Variants in MAST2 observed in about 807,000 individuals in gnomAD.
MAST2 encodes the protein microtubule associated serine/threonine kinase 2.
In MAST2, 70 loss-of-function variants were observed where a neutral mutation model predicts 147.4. That is an observed-to-expected ratio of 0.47 (90% CI 0.39 to 0.58). The LOEUF (loss-of-function observed/expected upper bound fraction) is 0.58, where lower values mean the gene tolerates loss of function less well. MAST2 is among the 20% of genes least tolerant of loss of function. The probability of loss-of-function intolerance (pLI) is 0.00; values close to 1 mark genes in which losing one functional copy is unlikely to be tolerated. For synonymous variants in MAST2, 869 were observed against 896.8 expected, an observed-to-expected ratio of 0.97 and a Z score of 0.55; for missense variants, 2,080 against 2,302.3, an observed-to-expected ratio of 0.90 and a Z score of 1.98.
At chr1:45,828,078 G>T (rs561259056) in intron 2 of MAST2, among the ~76,000 whole-genome samples, 1 of 152,128 alleles carries the variant, frequency 6.6e-6, no homozygotes, top group East Asian at 1.9e-4. Flanking sequence ...TGATCCTCCT[G>T]CTTCGGCCTC....
chr1:45,975,937 A>G (rs1411449393), intron 5 of MAST2, among the ~76,000 whole-genome samples: 1 of 151,622 alleles, frequency 6.6e-6, no homozygotes, highest in Non-Finnish European at 1.5e-5. Flanking sequence ...TGTGGAGGCA[A>G]GATTTGCCAA....
intron 4 of MAST2, among the ~76,000 whole-genome samples, chr1:45,909,787 A>T (rs1273782981): frequency 6.6e-6 from 1 of 152,034 alleles, no homozygotes; most frequent in African/African-American, 2.4e-5. Context: ...AAGTGCTGGG[A>T]TTACAGGCGT....
chr1:45,973,195 G>T (rs1643991685), intron 5 of MAST2, among the ~76,000 whole-genome samples: 1 of 151,618 alleles, frequency 6.6e-6, no homozygotes, highest in East Asian at 1.9e-4. Context: ...ATTCTTGGTG[G>T]TTTCGATACA....
intron 16 of MAST2, 50 bp from the exon 17 acceptor site, chr1:46,027,679 ACT>A (rs1646472115): frequency 6.3e-7 from 1 of 1,582,892 alleles, no homozygotes; most frequent in Non-Finnish European, 8.6e-7. Flanking sequence ...TAAAATCAGT[ACT>A]CTCAGAAAAC....
rs573266405 is a variant in MAST2 at position 45,909,343 on chromosome 1, T to C, written c.500+26948T>C. Among the ~76,000 whole-genome samples the C allele has an allele frequency of 2.1e-3, 319 of 152,336 alleles. 1 individual carries two copies. The highest frequency in any genetic ancestry group is 3.4e-3 in the Non-Finnish European group (228 of 68,022). On this transcript the variant is annotated intron_variant, in intron 4 of 28. Coordinates refer to ENST00000361297, the MANE Select transcript of MAST2 (RefSeq NM_015112.3). ...TTTATCATTTTAAAAATCATTCTTA[T>C]ATGTGCAGCCATTTTAACGTTACTT...
At chr1:46,034,416 G>C in intron 28 of MAST2, 122 bp from the exon 29 acceptor site, 1 of 1,330,822 alleles carries the variant, frequency 7.5e-7, no homozygotes. Flanking sequence ...TTAATTGATG[G>C]GGAAGGGGGT....
intron 3 of MAST2, chr1:45,847,702 C>G (rs1162240937): frequency 3.4e-6 from 1 of 292,214 alleles, no homozygotes. Context: ...GTACCCGTGC[C>G]AAATCCCCCT....
chr1:46,023,778 A>G lies in MAST2; in HGVS notation c.1578A>G (p.Val526=), dbSNP rs1464269992. ...KLISNGAYGA[V]FLVRHKSTRQ... ...GCCGGACTTTGTTTCCCAGGGCTGT[A>G]TTTCTGGTGCGGCACAAGTCCACCC... Residue 526 remains valine (V), a synonymous_variant, in exon 15 of 29, where the codon GTA becomes GTG. Transcript: ENST00000361297. The surrounding 1 kb of genome is among the most constrained non-coding windows in gnomAD (Gnocchi z 4.9). 1.5e-5 allele frequency: 25 copies of G among 1,613,738 alleles called. 1 individual carries two copies. Among genetic ancestry groups the G allele is most frequent in the Non-Finnish European group, 2.1e-5 (25 of 1,179,930 alleles).
chr1:45,943,629 C>T (rs981070211), intron 4 of MAST2, among the ~76,000 whole-genome samples: 2 of 152,246 alleles, frequency 1.3e-5, no homozygotes, highest in African/African-American at 4.8e-5. Flanking sequence ...CCTGTAATCC[C>T]GGCTACTCAG....
chr1:45,943,009 C>T (rs1192680203), intron 4 of MAST2, among the ~76,000 whole-genome samples: 4 of 152,178 alleles, frequency 2.6e-5, no homozygotes, highest in Non-Finnish European at 5.9e-5. Context: ...ATCCCCAATT[C>T]TGTCCTGGAG....
intron 4 of MAST2, among the ~76,000 whole-genome samples, chr1:45,892,311 T>C (rs1378271171): frequency 6.6e-6 from 1 of 152,204 alleles, no homozygotes; most frequent in Non-Finnish European, 1.5e-5. Flanking sequence ...TTTAGGAATG[T>C]TTCATTTTAC....
intron 4 of MAST2, among the ~76,000 whole-genome samples, chr1:45,948,910 T>A (rs1658516384): frequency 6.6e-6 from 1 of 151,582 alleles, no homozygotes; most frequent in Non-Finnish European, 1.5e-5. Context: ...AATCAGGGGT[T>A]TTAAAATCGT....
chr1:45,895,582 A>C (rs1044967995), intron 4 of MAST2, among the ~76,000 whole-genome samples: 1 of 152,228 alleles, frequency 6.6e-6, no homozygotes, highest in Non-Finnish European at 1.5e-5. Context: ...CGTGAGGTGT[A>C]CTTCTCTGAT....
intron 4 of MAST2, among the ~76,000 whole-genome samples, chr1:45,913,387 CA>C (rs1243020620): frequency 3.9e-5 from 6 of 152,240 alleles, no homozygotes; most frequent in African/African-American, 1.4e-4. Flanking sequence ...GTATTTCTGA[CA>C]CAGTGTGAGT....
At chr1:45,861,335 G>A (rs1240903315) in intron 3 of MAST2, among the ~76,000 whole-genome samples, 3 of 152,136 alleles carry the variant, frequency 2.0e-5, no homozygotes, top group Non-Finnish European at 4.4e-5. Flanking sequence ...GATGAATGAT[G>A]TAGGTCAGTC....
intron 4 of MAST2, among the ~76,000 whole-genome samples, chr1:45,947,677 A>G (rs1658272646): frequency 6.6e-6 from 1 of 152,220 alleles, no homozygotes; most frequent in Non-Finnish European, 1.5e-5. Context: ...TGCAGATGAC[A>G]TGATTCTATA....
intron 4 of MAST2, among the ~76,000 whole-genome samples, chr1:45,890,849 G>A (rs917915226): frequency 5.9e-5 from 9 of 152,130 alleles, no homozygotes; most frequent in African/African-American, 1.7e-4. Context: ...AGGTATACAC[G>A]TTTAATCATT....
intron 8 of MAST2, among the ~76,000 whole-genome samples, chr1:46,008,072 G>T (rs139122090): frequency 6.6e-6 from 1 of 152,140 alleles, no homozygotes; most frequent in Non-Finnish European, 1.5e-5. Context: ...CCTAGAAGAG[G>T]TCTTTGTGAA....
At chr1:45,872,993 G>A (rs372745498) in intron 3 of MAST2, among the ~76,000 whole-genome samples, 3 of 152,064 alleles carry the variant, frequency 2.0e-5, no homozygotes, top group African/African-American at 7.2e-5. Context: ...AAGTATCAAA[G>A]TGTATCAATT....
Sources: gnomAD v4.1 joint callset for allele counts (sites outside exome capture counted in the v4.1 genomes callset) on GRCh38, gnomAD v4.1.1 for gene constraint, Gnocchi (gnomAD v3.1) non-coding constraint, MANE v1.5 for transcripts, NCBI Gene and HGNC (gene_info 2026-07-23, HGNC 2026-07-21) for gene names.